Variants in EFR3B observed in about 807,000 individuals in gnomAD.
EFR3B encodes EFR3 homolog B, also known as protein EFR3 homolog B.
Under a neutral mutation model 104.7 loss-of-function variants are expected in EFR3B, and 64 were observed. That is an observed-to-expected ratio of 0.61 (90% CI 0.50 to 0.75). The LOEUF is 0.75. EFR3B is among the 30% of genes least tolerant of loss of function. The pLI, the probability that EFR3B is intolerant of heterozygous loss-of-function variation, is 0.00. For missense variants in EFR3B, 750 were observed against 1,078.5 expected (o/e 0.70, Z 4.27); for synonymous variants, 385 against 417.9 (o/e 0.92, Z 0.96).
chr2:25,090,201 G>T (rs1305513204), intron 1 of EFR3B, among the ~76,000 whole-genome samples: 2 of 152,246 alleles, frequency 1.3e-5, no homozygotes, highest in Non-Finnish European at 2.9e-5. Flanking sequence ...GAATGAAGGG[G>T]TGCTTACTGG....
intron 2 of EFR3B, among the ~76,000 whole-genome samples, chr2:25,091,940 C>T (rs992492608): frequency 6.6e-6 from 1 of 152,128 alleles, no homozygotes. Flanking sequence ...ATCTGATGTA[C>T]TTGACTTGCT....
At position 25,137,378 on chromosome 2, in the gene EFR3B, G is replaced by T; in HGVS notation, c.1598G>T (p.Cys533Phe). 1 of 1,552,102 alleles carries T rather than the reference G, an allele frequency of 6.4e-7. No homozygotes were observed. The highest frequency in any genetic ancestry group is 8.7e-7 in the Non-Finnish European group (1 of 1,147,118). The change falls in exon 15 of 23, where the codon TGC (cysteine) becomes TTC (phenylalanine). Residue 533 changes from cysteine to phenylalanine, a missense_variant. Cys to Phe is a radical substitution (Grantham distance 205). Transcript: ENST00000403714. The surrounding 1 kb of genome is among the most constrained non-coding windows in gnomAD (Gnocchi z 4.7). Reference sequence around the variant, plus strand: ...CTCTACAGACACATCTACCTGAGCTGCAAGGAGGAAACAAACGTGCAGAAA... The same window carrying T: ...CTCTACAGACACATCTACCTGAGCTTCAAGGAGGAAACAAACGTGCAGAAA... ...QQLYRHIYLS[C>F]KEETNVQKHY...
At chr2:25,111,592 A>T (rs1669726938) in intron 4 of EFR3B, among the ~76,000 whole-genome samples, 1 of 152,208 alleles carries the variant, frequency 6.6e-6, no homozygotes. Context: ...GACAAAAGGG[A>T]CTTTGCAGAT....
intron 4 of EFR3B, among the ~76,000 whole-genome samples, chr2:25,118,464 C>T (rs760696635): frequency 5.9e-5 from 9 of 151,948 alleles, no homozygotes; most frequent in African/African-American, 2.2e-4. Context: ...CACAGATATG[C>T]CACATTTTCT....
intron 3 of EFR3B, among the ~76,000 whole-genome samples, chr2:25,096,179 C>A (rs1387075502): frequency 6.6e-6 from 1 of 152,190 alleles, no homozygotes; most frequent in Non-Finnish European, 1.5e-5. Flanking sequence ...CCACACCTGG[C>A]TAATTTTTGT....
At chr2:25,103,556 C>T in intron 3 of EFR3B, 81 bp from the exon 4 acceptor site, 2 of 1,492,750 alleles carry the variant, frequency 1.3e-6, no homozygotes, top group Non-Finnish European at 1.8e-6. Flanking sequence ...CCCAGGTCAC[C>T]ACACTGACAC....
At position 25,155,760 on chromosome 2, in the gene EFR3B, A is replaced by G. The variant is rs1167174549; in HGVS notation, c.*1420A>G. On this transcript the variant is annotated 3_prime_UTR_variant, in exon 23 of 23. Coordinates refer to ENST00000403714, the MANE Select transcript of EFR3B (RefSeq NM_014971.2). ...TAACTCCTCCGAGCCAACATAACCTACAGTAAGATGTGAGTGTCAGACGTT... is the reference window on the plus strand; with the variant it reads ...TAACTCCTCCGAGCCAACATAACCTGCAGTAAGATGTGAGTGTCAGACGTT... 2.0e-5 allele frequency: 3 copies of G among 152,106 alleles called. No homozygotes were observed. Among genetic ancestry groups the G allele is most frequent in the Admixed American group, 2.0e-4 (3 of 15,276 alleles). 9.4% of individuals were successfully genotyped at this position (152,106 alleles called of 1,614,324 possible).
At chr2:25,150,562 T>C (rs529327577) in intron 20 of EFR3B, among the ~76,000 whole-genome samples, 1 of 152,062 alleles carries the variant, frequency 6.6e-6, no homozygotes, top group South Asian at 2.1e-4. Context: ...AACTTTTAAA[T>C]TTTTGTCATC....
In EFR3B at chr2:25,128,120, A is replaced by G. The variant is rs370399597; in HGVS notation, c.486-63A>G. 2.9e-5 allele frequency: 44 copies of G among 1,537,438 alleles called. 1 individual carries two copies. The East Asian group carries it at 3.2e-4, about 11-fold the overall frequency. ...CCTAAGCTGTGCTCTTCTCTTAGCC[A>G]CCGAAGCTGGACTTCTCAGGGCTAG... On this transcript the variant is annotated intron_variant, in intron 5 of 22. Transcript: ENST00000403714.
At chr2:25,059,970 G>A (rs901411745) in intron 1 of EFR3B, among the ~76,000 whole-genome samples, 5 of 151,546 alleles carry the variant, frequency 3.3e-5, no homozygotes, top group African/African-American at 1.2e-4. Context: ...AGGCTGAGAT[G>A]GGCATATCAC....
intron 17 of EFR3B, among the ~76,000 whole-genome samples, chr2:25,142,836 G>T (rs1393942754): frequency 6.6e-6 from 1 of 151,602 alleles, no homozygotes; most frequent in Non-Finnish European, 1.5e-5. Flanking sequence ...GGGAGGCAGA[G>T]CAGGAAGATC....
At chr2:25,044,548 A>G (rs1573156216) in intron 1 of EFR3B, among the ~76,000 whole-genome samples, 1 of 152,154 alleles carries the variant, frequency 6.6e-6, no homozygotes, top group Admixed American at 6.5e-5. Flanking sequence ...ACAGGGCACA[A>G]TGAAAATGGG....
intron 1 of EFR3B, among the ~76,000 whole-genome samples, chr2:25,065,292 CTCTTCA>C: frequency 6.6e-6 from 1 of 151,990 alleles, no homozygotes; most frequent in Non-Finnish European, 1.5e-5. Context: ...GTGATCCTCC[CTCTTCA>C]GCCTCCCGAG....
intron 1 of EFR3B, among the ~76,000 whole-genome samples, chr2:25,066,278 T>C (rs887227940): frequency 6.6e-6 from 1 of 152,202 alleles, no homozygotes; most frequent in African/African-American, 2.4e-5. Context: ...ATTTATCCAC[T>C]GGAAGTAGAT....
chr2:25,081,009 G>T, intron 1 of EFR3B: 1 of 756,244 alleles, frequency 1.3e-6, no homozygotes, highest in Non-Finnish European at 2.5e-6. Flanking sequence ...TGCATCAGGA[G>T]TCTCAGCAGC....
intron 15 of EFR3B, among the ~76,000 whole-genome samples, 159 bp from the exon 16 acceptor site, chr2:25,138,900 C>CT (rs1184458578): frequency 6.6e-6 from 1 of 152,124 alleles, no homozygotes; most frequent in Non-Finnish European, 1.5e-5. Flanking sequence ...ATGAAGGTGA[C>CT]TTTTTTCCCC....
chr2:25,143,111 G>GA (rs1181647423), intron 17 of EFR3B, among the ~76,000 whole-genome samples: 1 of 151,972 alleles, frequency 6.6e-6, no homozygotes, highest in Non-Finnish European at 1.5e-5. Flanking sequence ...GCCAGGCTTG[G>GA]AGGCTGAGGT....
rs1441890780 is a variant in EFR3B, at chr2:25,130,783, G to A, written c.849+153G>A. Among the ~76,000 whole-genome samples, 1 of 152,108 alleles carries A rather than the reference G, an allele frequency of 6.6e-6. No individual in the cohort carries two copies. The highest frequency in any genetic ancestry group is 1.9e-4 in the East Asian group (1 of 5,202). ...GCTGCTTAAGCTAGCTGTGGAGAAGGGCCGGCTGATTTTATTTCCAGTACA... is the reference window on the plus strand; with the variant it reads ...GCTGCTTAAGCTAGCTGTGGAGAAGAGCCGGCTGATTTTATTTCCAGTACA... On this transcript the variant is annotated intron_variant, in intron 8 of 22. Coordinates refer to ENST00000403714, the MANE Select transcript of EFR3B (RefSeq NM_014971.2). This position sits in a 1 kb window ranked among gnomAD's most constrained non-coding sequence, Gnocchi z 4.6.
chr2:25,125,670 C>A (rs1670142305), intron 5 of EFR3B, among the ~76,000 whole-genome samples: 1 of 152,170 alleles, frequency 6.6e-6, no homozygotes, highest in Non-Finnish European at 1.5e-5. Flanking sequence ...AAGTTAAGGC[C>A]AGGCACGGTG....
Sources: allele counts gnomAD v4.1 joint callset (sites outside exome capture counted in the v4.1 genomes callset), GRCh38; gene constraint gnomAD v4.1.1; non-coding constraint Gnocchi (gnomAD v3.1); transcripts MANE v1.5; gene names NCBI Gene and HGNC (gene_info 2026-07-23, HGNC 2026-07-21).